MPP7: variants seen among roughly 807,000 people sequenced by gnomAD.
MPP7 encodes MAGUK p55 scaffold protein 7, also known as MAGUK p55 subfamily member 7.
In MPP7, 60 loss-of-function variants were observed where a neutral mutation model predicts 76.5. The ratio of observed to expected loss-of-function variants is 0.78; its 90% confidence interval spans 0.64 to 0.97. MPP7 has a LOEUF of 0.97. Among genes scored for constraint, MPP7 ranks in the 50% least tolerant of loss-of-function variants. The pLI is 0.00. For synonymous variants in MPP7, 237 were observed against 244.5 expected, an observed-to-expected ratio of 0.97 and a Z score of 0.29; for missense variants, 641 against 694.0, an observed-to-expected ratio of 0.92 and a Z score of 0.86.
At chr10:28,075,681 T>C (rs988499248) in intron 12 of MPP7, among the ~76,000 whole-genome samples, 1 of 152,142 alleles carries the variant, frequency 6.6e-6, no homozygotes, top group Non-Finnish European at 1.5e-5. Flanking sequence ...ACCTGACTAA[T>C]TCTCGCTTGT....
intron 1 of MPP7, among the ~76,000 whole-genome samples, chr10:28,287,281 A>C (rs1381038645): frequency 6.6e-6 from 1 of 152,174 alleles, no homozygotes; most frequent in African/African-American, 2.4e-5. Context: ...GGTTAATAAG[A>C]CGGTATTGTG....
intron 4 of MPP7, among the ~76,000 whole-genome samples, chr10:28,149,347 G>A (rs914290018): frequency 6.6e-6 from 1 of 152,130 alleles, no homozygotes; most frequent in African/African-American, 2.4e-5. Flanking sequence ...ATTCATCCGA[G>A]TCCGAAAGTT....
intron 2 of MPP7, among the ~76,000 whole-genome samples, chr10:28,209,512 G>C (rs1838062574): frequency 6.6e-6 from 1 of 151,814 alleles, no homozygotes; most frequent in South Asian, 2.1e-4. Flanking sequence ...TTCTGGGGGA[G>C]AGGAATATTG....
Position 28,173,227 on chromosome 10 carries a change from G to GAAA in MPP7, c.157-23171_157-23169dup, listed in dbSNP as rs71523597. On this transcript the variant is annotated intron_variant, in intron 3 of 16. Transcript: ENST00000683449. ...TCAGACTCAATAGGTGAGTAGCGAT[G>GAAA]AAAAAAAAAAAAAAGACAAAAAGAA... Among the ~76,000 whole-genome samples the GAAA allele has an allele frequency of 1.9e-4, 22 of 116,600 alleles. No homozygotes were observed. In the East Asian group the frequency reaches 2.0e-3, roughly 10 times the overall value. The allele number at this position is 116,600 out of a possible 152,430, so 76.5% of individuals were successfully genotyped here.
chr10:28,177,794 GTTTAA>G (rs1261390958), intron 3 of MPP7, among the ~76,000 whole-genome samples: 1 of 152,182 alleles, frequency 6.6e-6, no homozygotes, highest in African/African-American at 2.4e-5. Context: ...GTGGGGAATT[GTTTAA>G]AAGAGACAAT....
chr10:28,058,113 C>T (rs905733439), intron 15 of MPP7, among the ~76,000 whole-genome samples: 14 of 152,178 alleles, frequency 9.2e-5, no homozygotes, highest in African/African-American at 3.1e-4. Context: ...AAATGTCCAT[C>T]GTTAAAAATT....
At chr10:28,234,054 C>A (rs2134123004) in intron 2 of MPP7, among the ~76,000 whole-genome samples, 1 of 152,238 alleles carries the variant, frequency 6.6e-6, no homozygotes, top group South Asian at 2.1e-4. Context: ...AAACCTATTG[C>A]CCAGATCTTG....
intron 2 of MPP7, among the ~76,000 whole-genome samples, chr10:28,324,461 G>A (rs947268048): frequency 2.6e-5 from 4 of 152,188 alleles, no homozygotes; most frequent in African/African-American, 7.2e-5. Flanking sequence ...ATGGTTCTAA[G>A]TACTTGGCAC....
In MPP7 at chr10:28,053,012, G is replaced by A. The variant is rs1279273354; in HGVS notation, c.*1053C>T. 6.6e-6 allele frequency: 1 copy of A among 152,116 alleles called. No individual in the cohort carries two copies. Among genetic ancestry groups the A allele is most frequent in the African/African-American group, 2.4e-5 (1 of 41,416 alleles). 9.4% of individuals were successfully genotyped at this position (152,116 alleles called of 1,614,324 possible). A position where few individuals can be genotyped will look rare whatever the true frequency, so the allele number is the denominator to read the frequency against. On this transcript the variant is annotated 3_prime_UTR_variant, in exon 17 of 17. Transcript: ENST00000683449. ...TCCTAAACTTCTTTAACAATGGCAA[G>A]GTTAGGATGGTGTCTGGACAGTGTT...
At chr10:28,089,572 G>T in intron 12 of MPP7, 99 bp downstream of exon 12, 1 of 1,145,842 alleles carries the variant, frequency 8.7e-7, no homozygotes, top group Non-Finnish European at 1.2e-6. Flanking sequence ...AAGGGGAGGA[G>T]ATTTTTAGCT....
At chr10:28,067,448 T>C (rs966395053) in intron 13 of MPP7, among the ~76,000 whole-genome samples, 2 of 152,196 alleles carry the variant, frequency 1.3e-5, no homozygotes, top group African/African-American at 4.8e-5. Flanking sequence ...GGCATATCTT[T>C]TTATAGAACT....
chr10:28,310,222 G>A (rs896061613), intron 2 of MPP7, among the ~76,000 whole-genome samples: 1 of 151,992 alleles, frequency 6.6e-6, no homozygotes, highest in Non-Finnish European at 1.5e-5. Context: ...GGCTGGTCTC[G>A]AACTCCTGGC....
At chr10:28,241,800 T>C (rs1178731008) in intron 1 of MPP7, among the ~76,000 whole-genome samples, 1 of 152,152 alleles carries the variant, frequency 6.6e-6, no homozygotes, top group East Asian at 1.9e-4. Context: ...AACCCTCCTT[T>C]AAAAGGGCTT....
At chr10:28,092,577 C>CTTTTTTTTTT (rs397969009) in intron 11 of MPP7, among the ~76,000 whole-genome samples, 20,753 of 119,820 alleles carry the variant, frequency 0.17, 3,719 homozygotes, top group East Asian at 0.74. Context: ...GAAAAGGGAC[C>CTTTTTTTTTT]TTTTTTTTTT....
Position 28,239,275 on chromosome 10 carries a change from A to G in MPP7, c.-131-540T>C, listed in dbSNP as rs868282605. On this transcript the variant is annotated intron_variant, in intron 1 of 16. Coordinates refer to ENST00000683449, the MANE Select transcript of MPP7 (RefSeq NM_001318170.2). ...TTCTTCCTGCCCCAGGCTCCTGAGG[A>G]GCTGGGACTACAGGGGCCCGCCACC... 2.8e-4 allele frequency among the ~76,000 whole-genome samples: 43 copies of G among 151,314 alleles called. No individual in the cohort carries two copies. In the Middle Eastern group the frequency reaches 0.01, roughly 36 times the overall value.
intron 3 of MPP7, among the ~76,000 whole-genome samples, chr10:28,166,466 G>A (rs1588875327): frequency 7.0e-6 from 1 of 143,624 alleles, no homozygotes; most frequent in Admixed American, 7.1e-5. Flanking sequence ...GGAGTGCAGT[G>A]GTGCAATCTC....
chr10:28,115,581 G>A (rs1486998351), intron 11 of MPP7, among the ~76,000 whole-genome samples: 1 of 152,162 alleles, frequency 6.6e-6, no homozygotes, highest in Non-Finnish European at 1.5e-5. Flanking sequence ...TAAGAATCCA[G>A]GAAGAAGAAG....
chr10:28,055,159 A>G (rs1260219601), intron 16 of MPP7, among the ~76,000 whole-genome samples: 3 of 152,236 alleles, frequency 2.0e-5, no homozygotes, highest in African/African-American at 7.2e-5. Context: ...TAAATAGTAC[A>G]ATAAATCTTT....
chr10:28,297,078 G>A (rs1421937391), intron 1 of MPP7, among the ~76,000 whole-genome samples: 3 of 152,280 alleles, frequency 2.0e-5, no homozygotes, highest in Non-Finnish European at 2.9e-5. Context: ...TTCTGAAATC[G>A]TAGGCATACC....
Sources: gnomAD v4.1 joint callset for allele counts (sites outside exome capture counted in the v4.1 genomes callset) on GRCh38, gnomAD v4.1.1 for gene constraint, MANE v1.5 for transcripts, NCBI Gene and HGNC (gene_info 2026-07-23, HGNC 2026-07-21) for gene names.